DNAH9: variants seen among roughly 807,000 people sequenced by gnomAD.
DNAH9 encodes the protein DNAH9 variant protein.
A neutral mutation model predicts 471.6 loss-of-function variants in DNAH9; 345 were observed. That is an observed-to-expected ratio of 0.73 (90% CI 0.67 to 0.80). The LOEUF (loss-of-function observed/expected upper bound fraction) is 0.80, where lower values mean the gene tolerates loss of function less well. Among genes scored for constraint, DNAH9 ranks in the 30% least tolerant of loss-of-function variants. The pLI is 0.00. For synonymous variants in DNAH9, 2,093 were observed against 2,123.6 expected (o/e 0.99, Z 0.40); for missense variants, 5,407 against 5,609.2 (o/e 0.96, Z 1.15).
intron 22 of DNAH9, 126 bp downstream of exon 22, chr17:11,694,573 T>G (rs1343689258): frequency 1.1e-6 from 1 of 941,884 alleles, no homozygotes; most frequent in East Asian, 2.6e-5. Flanking sequence ...CTGTCTGTGT[T>G]GCCCCCAGCA....
In DNAH9 at chr17:11,623,593, C is replaced by T. The variant is rs944920760; in HGVS notation, c.1350+3812C>T. On this transcript the variant is annotated intron_variant, in intron 6 of 68. Transcript: ENST00000262442. The surrounding 1 kb of genome is among the most constrained non-coding windows in gnomAD (Gnocchi z 4.1). Reference sequence around the variant, plus strand: ...GTGGAACACAGGACTATCAGCTGTCCTCTGGCATATTTCATGTAGGCCTTT... The same window carrying T: ...GTGGAACACAGGACTATCAGCTGTCTTCTGGCATATTTCATGTAGGCCTTT... 1.3e-5 allele frequency among the ~76,000 whole-genome samples: 2 copies of T among 152,112 alleles called. No individual in the cohort carries two copies. The highest frequency in any genetic ancestry group is 4.8e-5 in the African/African-American group (2 of 41,410).
chr17:11,804,059 T>TA (rs1969566867), intron 43 of DNAH9, among the ~76,000 whole-genome samples: 2 of 152,342 alleles, frequency 1.3e-5, no homozygotes, highest in South Asian at 4.1e-4. Flanking sequence ...AACAAAAATG[T>TA]ATTAGATACC....
chr17:11,928,118 T>C (rs960924286), intron 62 of DNAH9, among the ~76,000 whole-genome samples: 13 of 148,352 alleles, frequency 8.8e-5, no homozygotes, highest in African/African-American at 3.3e-4. Context: ...TTTATTTATT[T>C]ATTTATTCAT....
intron 32 of DNAH9, among the ~76,000 whole-genome samples, chr17:11,748,860 A>C (rs1192981114): frequency 6.6e-6 from 1 of 152,136 alleles, no homozygotes. Flanking sequence ...TGATGTTTCA[A>C]TGTCTGACCA....
In DNAH9 at chr17:11,768,632, T is replaced by C. The variant is rs1968068938; in HGVS notation, c.7344+6T>C. ...ACCCCGAGATGCCCTTGCAGGTGAG[T>C]GCAGCTGAGCAGCCGAGGACGTGCG... On this transcript the variant is annotated splice_donor_region_variant and intron_variant, in intron 37 of 68. Coordinates refer to ENST00000262442, the MANE Select transcript of DNAH9 (RefSeq NM_001372.4). 6.2e-7 allele frequency: 1 copy of C among 1,612,980 alleles called. No individual in the cohort carries two copies. Among genetic ancestry groups the C allele is most frequent in the Non-Finnish European group, 8.5e-7 (1 of 1,179,330 alleles).
chr17:11,766,820 C>T (rs963975335), intron 36 of DNAH9, among the ~76,000 whole-genome samples: 8 of 151,892 alleles, frequency 5.3e-5, no homozygotes, highest in African/African-American at 1.5e-4. Context: ...AAAAATTAGC[C>T]GGGCTTGGGC....
intron 10 of DNAH9, among the ~76,000 whole-genome samples, chr17:11,642,431 A>C (rs1286737911): frequency 6.6e-6 from 1 of 152,050 alleles, no homozygotes; most frequent in Non-Finnish European, 1.5e-5. Flanking sequence ...GGGCGCCTGT[A>C]ATCCCAGCTA....
intron 27 of DNAH9, among the ~76,000 whole-genome samples, chr17:11,725,567 C>T (rs944900345): frequency 1.3e-5 from 2 of 152,114 alleles, no homozygotes; most frequent in African/African-American, 2.4e-5. Flanking sequence ...TTCCCTTCTC[C>T]TTCAAAGTCT....
rs1170428122 is a variant in DNAH9, at chr17:11,854,088, C to T, written c.9593C>T (p.Pro3198Leu). 1.9e-6 allele frequency: 3 copies of T among 1,614,144 alleles called. No individual in the cohort carries two copies. Among genetic ancestry groups the T allele is most frequent in the Non-Finnish European group, 1.7e-6 (2 of 1,180,022 alleles). Residue 3198 changes from proline to leucine, a missense_variant, in exon 50 of 69, where the codon CCC becomes CTC. By Grantham distance (98) the Pro-to-Leu change is moderately conservative. Around this residue, in one of 3 missense-constraint regions of DNAH9, gnomAD observed 4,636 missense variants for 4,900.3 expected, o/e 0.95. Coordinates refer to ENST00000262442, the MANE Select transcript of DNAH9 (RefSeq NM_001372.4). The part of the protein sequence containing the change: ...VSAAVMVLMA[P>L]RGRVPKDRSW... ...GCTGCGGTGATGGTACTGATGGCTC[C>T]CAGGGGTAGGGTGCCCAAGGACCGG... is the stretch of plus-strand genomic sequence containing the variant.
chr17:11,902,152 G>A (rs1004944873), intron 59 of DNAH9, among the ~76,000 whole-genome samples: 1 of 152,214 alleles, frequency 6.6e-6, no homozygotes, highest in African/African-American at 2.4e-5. Flanking sequence ...CAGAGTAGGA[G>A]GACACATGAC....
Position 11,807,800 on chromosome 17 carries a change from G to C in DNAH9, c.8489G>C (p.Gly2830Ala). The change falls in exon 44 of 69, where the codon GGC becomes GCC. Residue 2830 changes from glycine to alanine, a missense_variant. Coordinates refer to ENST00000262442, the MANE Select transcript of DNAH9 (RefSeq NM_001372.4). The stretch of plus-strand genomic sequence containing the variant: ...CTGCTGGTTGGTGTAGGTGGGAGCG[G>C]CAAGCAGAGCCTGACAAGGCTGGCA... ...NALLVGVGGS[G>A]KQSLTRLAAF... is the part of the protein sequence containing the mutation. The C allele has an allele frequency of 1.2e-6, 2 of 1,614,050 alleles. No homozygotes were observed. The highest frequency in any genetic ancestry group is 2.2e-5 in the South Asian group (2 of 91,060).
At chr17:11,752,108 C>T (rs962260499) in intron 32 of DNAH9, among the ~76,000 whole-genome samples, 8 of 152,078 alleles carry the variant, frequency 5.3e-5, no homozygotes, top group Non-Finnish European at 8.8e-5. Flanking sequence ...AATGAACAGA[C>T]GTACCATACT....
At chr17:11,606,448 C>CTTTTTTTTTTTTTTTTTTTT in intron 1 of DNAH9, among the ~76,000 whole-genome samples, 1 of 97,030 alleles carries the variant, frequency 1.0e-5, no homozygotes, top group Non-Finnish European at 1.8e-5. Flanking sequence ...CTTTTCTTTT[C>CTTTTTTTTTTTTTTTTTTTT]TTTTCTTTTT....
chr17:11,932,340 ATGC>A lies in DNAH9; in HGVS notation c.12297+141_12297+143del. On this transcript the variant is annotated intron_variant, in intron 64 of 68. Transcript: ENST00000262442. This position sits in a 1 kb window ranked among gnomAD's most constrained non-coding sequence, Gnocchi z 4.3. Reference sequence around the variant, plus strand: ...TCTAACAAGCTCCCTCGTGATGCAGATGCTGCTGATTCGGGGACCATAATTTAA... The same window carrying A: ...TCTAACAAGCTCCCTCGTGATGCAGATGCTGATTCGGGGACCATAATTTAA... 1 of 901,498 alleles carries A rather than the reference ATGC, an allele frequency of 1.1e-6. No homozygotes were observed. The highest frequency in any genetic ancestry group is 1.6e-6 in the Non-Finnish European group (1 of 610,608). 55.8% of individuals were successfully genotyped at this position (901,498 alleles called of 1,614,324 possible).
chr17:11,828,265 G>A lies in DNAH9; in HGVS notation c.9246+5231G>A, dbSNP rs549374207. Among the ~76,000 whole-genome samples the A allele has an allele frequency of 7.2e-5, 11 of 152,086 alleles. No homozygotes were observed. The East Asian group carries it at 2.0e-3, about 27-fold the overall frequency. On this transcript the variant is annotated intron_variant, in intron 48 of 68. Coordinates refer to ENST00000262442, the MANE Select transcript of DNAH9 (RefSeq NM_001372.4). ...GAGGCGGGTGGATCACCTGAGGTCA[G>A]GAGTTCAAGACTAACCTGGCCAACA...
At chr17:11,834,032 A>G (rs1970755409) in intron 48 of DNAH9, among the ~76,000 whole-genome samples, 1 of 152,182 alleles carries the variant, frequency 6.6e-6, no homozygotes, top group Non-Finnish European at 1.5e-5. Flanking sequence ...TTTTGGCATC[A>G]GGGAGAAAGG....
At chr17:11,865,848 C>T (rs971460501) in intron 50 of DNAH9, among the ~76,000 whole-genome samples, 19 of 150,368 alleles carry the variant, frequency 1.3e-4, no homozygotes, top group Non-Finnish European at 2.1e-4. Context: ...ATGTAGTTCT[C>T]GTGCCTTGGC....
chr17:11,639,588 G>A (rs560979237), intron 9 of DNAH9, among the ~76,000 whole-genome samples: 2 of 152,150 alleles, frequency 1.3e-5, no homozygotes, highest in Non-Finnish European at 2.9e-5. Flanking sequence ...AGTTAATTAA[G>A]CAGGGAAGAT....
At chr17:11,857,076 T>C (rs1001300735) in intron 50 of DNAH9, among the ~76,000 whole-genome samples, 1 of 152,168 alleles carries the variant, frequency 6.6e-6, no homozygotes, top group Non-Finnish European at 1.5e-5. Flanking sequence ...TTTATATTTT[T>C]CAGTCTCTTC....
Sources: allele counts gnomAD v4.1 joint callset (sites outside exome capture counted in the v4.1 genomes callset), GRCh38; gene constraint gnomAD v4.1.1; regional missense constraint gnomAD v4.1.1; non-coding constraint Gnocchi (gnomAD v3.1); transcripts MANE v1.5; gene names NCBI Gene and HGNC (gene_info 2026-07-23, HGNC 2026-07-21).